Variants in STAT3 observed in about 807,000 individuals in gnomAD.
The protein encoded by STAT3 is signal transducer and activator of transcription 3, also known as DNA-binding protein APRF.
A neutral mutation model predicts 114.3 loss-of-function variants in STAT3; 7 were observed. The observed-to-expected ratio is 0.06, with a 90% confidence interval of 0.03 to 0.11. The LOEUF (loss-of-function observed/expected upper bound fraction) is 0.11, where lower values mean the gene tolerates loss of function less well. Ranked by LOEUF, STAT3 falls within the 10% of genes least tolerant of loss-of-function variation. STAT3 has a pLI of 1.00. For synonymous variants in STAT3, 331 were observed against 354.5 expected (o/e 0.93, Z 0.74); for missense variants, 364 against 960.9 (o/e 0.38, Z 8.21).
chr17:42,373,318 C>A (rs1194609983), intron 1 of STAT3, among the ~76,000 whole-genome samples: 4 of 151,736 alleles, frequency 2.6e-5, no homozygotes, highest in Non-Finnish European at 5.9e-5. Flanking sequence ...CCATTGCACT[C>A]CAGCCTGGGC....
At chr17:42,376,317 T>C (rs1171615482) in intron 1 of STAT3, among the ~76,000 whole-genome samples, 2 of 152,164 alleles carry the variant, frequency 1.3e-5, no homozygotes, top group Non-Finnish European at 1.5e-5. Context: ...TGAGAAAGTT[T>C]GTATCCACCA....
intron 1 of STAT3, among the ~76,000 whole-genome samples, chr17:42,366,445 T>C (rs953397364): frequency 6.6e-6 from 1 of 151,014 alleles, no homozygotes; most frequent in African/African-American, 2.4e-5. Context: ...CTGAGGCGGG[T>C]GGATCACTTG....
Position 42,315,772 on chromosome 17 carries a change from G to A in STAT3, c.2286C>T (p.Thr762=). The A allele has an allele frequency of 6.2e-7, 1 of 1,614,072 alleles. No individual in the cohort carries two copies. Among genetic ancestry groups the A allele is most frequent in the Non-Finnish European group, 8.5e-7 (1 of 1,180,010 alleles). ...FESLTFDMEL[T]SECATSPM ...ACATGGGGGAGGTAGCGCACTCCGA[G>A]GTCAACTCCATGTCAAAGGTGAGGG... The change falls in exon 24 of 24, where the codon ACC becomes ACT. Residue 762 remains threonine, a synonymous_variant. Transcript: ENST00000264657.
At chr17:42,361,209 G>A (rs940917424) in intron 1 of STAT3, among the ~76,000 whole-genome samples, 7 of 152,094 alleles carry the variant, frequency 4.6e-5, no homozygotes, top group East Asian at 1.9e-4. Flanking sequence ...GGCTGGGCAC[G>A]GTGGCTCACA....
At chr17:42,366,653 A>G (rs1440762374) in intron 1 of STAT3, among the ~76,000 whole-genome samples, 6 of 142,988 alleles carry the variant, frequency 4.2e-5, no homozygotes, top group Non-Finnish European at 1.5e-5. Context: ...CCTGGGAGAC[A>G]GAGTAAGATC....
chr17:42,337,328 A>G lies in STAT3; in HGVS notation c.797+107T>C. On this transcript the variant is annotated intron_variant, in intron 8 of 23. Coordinates refer to ENST00000264657, the MANE Select transcript of STAT3 (RefSeq NM_139276.3). The surrounding 1 kb of genome is among the most constrained non-coding windows in gnomAD (Gnocchi z 4.0). ...TTCTTGGGCTAAATTTGAATATGGA[A>G]AAGTCCCCACGTTGGAGATATAGTA... is the stretch of plus-strand genomic sequence containing the variant. The G allele has an allele frequency of 1.3e-6, 2 of 1,482,132 alleles. No homozygotes were observed. The highest frequency in any genetic ancestry group is 1.8e-6 in the Non-Finnish European group (2 of 1,102,498). The allele number at this position is 1,482,132 out of a possible 1,614,324, so 91.8% of individuals were successfully genotyped here.
chr17:42,387,205 C>T (rs1489256832), intron 1 of STAT3: 2 of 152,152 alleles, frequency 1.3e-5, no homozygotes, highest in Non-Finnish European at 2.9e-5. Context: ...ATTTTGTCAC[C>T]ACACTTAACA....
At chr17:42,375,182 C>T (rs1396149020) in intron 1 of STAT3, among the ~76,000 whole-genome samples, 1 of 152,170 alleles carries the variant, frequency 6.6e-6, no homozygotes, top group Non-Finnish European at 1.5e-5. Context: ...AAAACATTTT[C>T]CCTCATTCAC....
intron 1 of STAT3, among the ~76,000 whole-genome samples, chr17:42,358,776 A>C (rs2083354841): frequency 6.6e-6 from 1 of 152,112 alleles, no homozygotes; most frequent in South Asian, 2.1e-4. Context: ...CTCTTCAGTA[A>C]AACAGGGAAC....
intron 1 of STAT3, among the ~76,000 whole-genome samples, chr17:42,356,688 A>G (rs1260510528): frequency 6.6e-6 from 1 of 152,106 alleles, no homozygotes; most frequent in Non-Finnish European, 1.5e-5. Flanking sequence ...AGCTGGTCTC[A>G]AACTCCTGGT....
intron 8 of STAT3, among the ~76,000 whole-genome samples, chr17:42,336,116 A>G (rs572147352): frequency 1.3e-5 from 2 of 152,308 alleles, no homozygotes; most frequent in Non-Finnish European, 2.9e-5. Flanking sequence ...ACTCAGGGTT[A>G]GTGAGGATAT....
Position 42,337,381 on chromosome 17 carries a change from C to T in STAT3, c.797+54G>A. ...AATTCTGTGGGCCTGCAGTTAAGATCAGAATTCAATCTAGCTTTCGAGAAA... is the reference window on the plus strand; with the variant it reads ...AATTCTGTGGGCCTGCAGTTAAGATTAGAATTCAATCTAGCTTTCGAGAAA... On this transcript the variant is annotated intron_variant, in intron 8 of 23. Coordinates refer to ENST00000264657, the MANE Select transcript of STAT3 (RefSeq NM_139276.3). The surrounding 1 kb of genome is among the most constrained non-coding windows in gnomAD (Gnocchi z 4.0). The T allele has an allele frequency of 6.2e-7, 1 of 1,606,840 alleles. No individual in the cohort carries two copies. The highest frequency in any genetic ancestry group is 8.5e-7 in the Non-Finnish European group (1 of 1,175,028).
At chr17:42,331,979 G>A (rs142585061) in intron 10 of STAT3, among the ~76,000 whole-genome samples, 20 of 151,498 alleles carry the variant, frequency 1.3e-4, no homozygotes, top group Non-Finnish European at 2.2e-4. Flanking sequence ...CCAGGCTGGA[G>A]TGCAATGGCG....
At chr17:42,346,794 GAAAAAAAC>G (rs2082716548) in intron 2 of STAT3, 81 bp from the exon 3 acceptor site, 1 of 1,593,478 alleles carries the variant, frequency 6.3e-7, no homozygotes, top group African/African-American at 1.4e-5. Context: ...CAAGAAAGAG[GAAAAAAAC>G]AAAAAAACAA....
chr17:42,315,486 C>CA lies in STAT3; in HGVS notation c.*258_*259insT. 1.7e-6 allele frequency: 1 copy of CA among 589,348 alleles called. No individual in the cohort carries two copies. 36.5% of individuals were successfully genotyped at this position (589,348 alleles called of 1,614,324 possible). A position where few individuals can be genotyped will look rare whatever the true frequency, so the allele number is the denominator to read the frequency against. The stretch of plus-strand genomic sequence containing the variant: ...CCTTTTTCTCCCTCTAGCCACCCCC[C>CA]GCCACATCCCCTGATCATGGGTCTC... On this transcript the variant is annotated 3_prime_UTR_variant, in exon 24 of 24. Coordinates refer to ENST00000264657, the MANE Select transcript of STAT3 (RefSeq NM_139276.3).
At chr17:42,364,320 A>T (rs2083666246) in intron 1 of STAT3, among the ~76,000 whole-genome samples, 1 of 152,208 alleles carries the variant, frequency 6.6e-6, no homozygotes, top group Admixed American at 6.5e-5. Context: ...TCACCTTCAT[A>T]GGAGTCAGAA....
At chr17:42,334,701 T>G (rs1043674902) in intron 8 of STAT3, among the ~76,000 whole-genome samples, 1 of 152,136 alleles carries the variant, frequency 6.6e-6, no homozygotes, top group African/African-American at 2.4e-5. Context: ...TGCCTCGACC[T>G]CCCGAAGTAC....
intron 22 of STAT3, 136 bp downstream of exon 22, chr17:42,317,046 C>G: frequency 6.4e-7 from 1 of 1,569,248 alleles, no homozygotes. Context: ...TTTAAACACA[C>G]AAGGTCACTT....
chr17:42,314,031 C>T lies in STAT3; in HGVS notation c.*1714G>A. ...GCCATGCCTCTGAGTCAGAGGCAGCCCATCCAGCACGTGCTAGGTGTTCCC... is the reference window on the plus strand; with the variant it reads ...GCCATGCCTCTGAGTCAGAGGCAGCTCATCCAGCACGTGCTAGGTGTTCCC... On this transcript the variant is annotated 3_prime_UTR_variant, in exon 24 of 24. Coordinates refer to ENST00000264657, the MANE Select transcript of STAT3 (RefSeq NM_139276.3). 4.3e-6 allele frequency: 1 copy of T among 231,530 alleles called. No individual in the cohort carries two copies. The highest frequency in any genetic ancestry group is 8.6e-6 in the Non-Finnish European group (1 of 116,928). 14.3% of individuals were successfully genotyped at this position (231,530 alleles called of 1,614,324 possible). A position where few individuals can be genotyped will look rare whatever the true frequency, so the allele number is the denominator to read the frequency against.
Sources: gnomAD v4.1 joint callset for allele counts (sites outside exome capture counted in the v4.1 genomes callset) on GRCh38, gnomAD v4.1.1 for gene constraint, Gnocchi (gnomAD v3.1) non-coding constraint, MANE v1.5 for transcripts, NCBI Gene and HGNC (gene_info 2026-07-23, HGNC 2026-07-21) for gene names.